The following CACHD1 variants were observed in gnomAD, a reference collection of about 807,000 sequenced individuals.
CACHD1 encodes cache domain containing 1, also known as VWFA and cache domain-containing protein 1.
In CACHD1, 71 loss-of-function variants were observed where a neutral mutation model predicts 138.7. That is an observed-to-expected ratio of 0.51 (90% CI 0.42 to 0.62). The LOEUF is 0.62. CACHD1 is among the 20% of genes least tolerant of loss of function. The pLI is 0.00. For synonymous variants in CACHD1, 578 were observed against 591.5 expected (o/e 0.98, Z 0.33); for missense variants, 1,389 against 1,625.3 (o/e 0.85, Z 2.50).
chr1:64,590,526 A>G (rs1023753025), intron 3 of CACHD1, among the ~76,000 whole-genome samples: 1 of 152,086 alleles, frequency 6.6e-6, no homozygotes, highest in Non-Finnish European at 1.5e-5. Context: ...ACTTACTCAG[A>G]GGGTTGTTTT....
chr1:64,681,284 G>A lies in CACHD1; in HGVS notation c.3433G>A (p.Glu1145Lys), dbSNP rs764608802. Residue 1145 changes from glutamate (E) to lysine (K), a missense_variant, in exon 25 of 27, where the codon GAG (glutamate) becomes AAG (lysine). This residue lies in a region of CACHD1 where 250 missense variants were observed against 292.9 expected (regional missense o/e 0.85). Transcript: ENST00000651257. ...QEMSVRMSNL[E>K]NDRDERDDDS... The stretch of plus-strand genomic sequence containing the variant: ...AATGTCAGTGCGTATGTCCAACCTG[G>A]AGAATGACAGAGATGAAAGGGACGA... 1 of 1,613,872 alleles carries A rather than the reference G, an allele frequency of 6.2e-7. No homozygotes were observed. The highest frequency in any genetic ancestry group is 1.1e-5 in the South Asian group (1 of 91,064).
At chr1:64,535,327 G>GT (rs3078381) in intron 1 of CACHD1, among the ~76,000 whole-genome samples, 4,956 of 136,512 alleles carry the variant, frequency 0.036, 115 homozygotes, top group African/African-American at 0.048. Context: ...AATTTGGAGG[G>GT]TTTTTTTTTT....
intron 2 of CACHD1, among the ~76,000 whole-genome samples, chr1:64,559,109 A>G (rs1646819724): frequency 1.3e-5 from 2 of 152,204 alleles, no homozygotes; most frequent in Admixed American, 6.5e-5. Flanking sequence ...AGAGCTAAAA[A>G]TGGAACTATC....
chr1:64,597,289 T>C (rs993676873), intron 3 of CACHD1, among the ~76,000 whole-genome samples: 4 of 152,144 alleles, frequency 2.6e-5, no homozygotes, highest in African/African-American at 9.6e-5. Flanking sequence ...GTAAATCCTG[T>C]TGAAGGAGAA....
Position 64,652,165 on chromosome 1 carries a change from G to A in CACHD1, c.1395G>A (p.Leu465=). ...TATTTTGTTTTTAACCCATAGGTTT[G>A]ATAATGACTGTGAGTAAACCCTGTT... is the stretch of plus-strand genomic sequence containing the variant. ...LPFSDEMGDG[L]IMTVSKPCYF... Residue 465 remains leucine (L), a synonymous_variant, in exon 10 of 27, where the codon TTG becomes TTA. Transcript: ENST00000651257. The A allele has an allele frequency of 6.2e-7, 1 of 1,606,832 alleles. No individual in the cohort carries two copies. The highest frequency in any genetic ancestry group is 8.5e-7 in the Non-Finnish European group (1 of 1,177,748).
At chr1:64,591,093 T>C (rs905172675) in intron 3 of CACHD1, among the ~76,000 whole-genome samples, 13 of 152,230 alleles carry the variant, frequency 8.5e-5, no homozygotes, top group Admixed American at 8.5e-4. Flanking sequence ...CTCAAATTAA[T>C]AAATTCTGGG....
At chr1:64,688,059 C>T (rs1323272463) in intron 26 of CACHD1, among the ~76,000 whole-genome samples, 4 of 151,776 alleles carry the variant, frequency 2.6e-5, no homozygotes. Context: ...CCAGAGAAGA[C>T]TTTCCAACTG....
intron 1 of CACHD1, among the ~76,000 whole-genome samples, chr1:64,510,778 A>G (rs535920568): frequency 6.6e-6 from 1 of 152,366 alleles, no homozygotes; most frequent in South Asian, 2.1e-4. Flanking sequence ...ATACATGCAG[A>G]CAATGCCAAG....
chr1:64,663,648 A>G, intron 13 of CACHD1, 47 bp from the exon 14 acceptor site: 2 of 1,611,862 alleles, frequency 1.2e-6, no homozygotes, highest in Non-Finnish European at 8.5e-7. Flanking sequence ...TTGGGATGAG[A>G]TAGAGTCTCC....
chr1:64,472,948 C>G (rs1159134064), intron 1 of CACHD1, among the ~76,000 whole-genome samples: 1 of 151,886 alleles, frequency 6.6e-6, no homozygotes, highest in African/African-American at 2.4e-5. Flanking sequence ...CAGTCCTTGA[C>G]AAAAGGTGAA....
At chr1:64,580,829 A>G (rs1647006679) in intron 2 of CACHD1, among the ~76,000 whole-genome samples, 1 of 152,134 alleles carries the variant, frequency 6.6e-6, no homozygotes, top group Admixed American at 6.5e-5. Flanking sequence ...TTTTCTCCAA[A>G]TGTCCCCTGA....
intron 2 of CACHD1, among the ~76,000 whole-genome samples, chr1:64,575,291 G>T (rs1646958407): frequency 6.6e-6 from 1 of 152,172 alleles, no homozygotes; most frequent in Admixed American, 6.5e-5. Context: ...ATGTCTGTCT[G>T]AACCATTATG....
At chr1:64,551,886 G>A (rs891405888) in intron 2 of CACHD1, among the ~76,000 whole-genome samples, 1 of 152,206 alleles carries the variant, frequency 6.6e-6, no homozygotes, top group African/African-American at 2.4e-5. Flanking sequence ...TAAATAGGAT[G>A]TAGTTTGCTG....
intron 1 of CACHD1, among the ~76,000 whole-genome samples, chr1:64,511,883 C>T (rs1232720366): frequency 6.6e-6 from 1 of 152,194 alleles, no homozygotes; most frequent in African/African-American, 2.4e-5. Flanking sequence ...GTGTCCTTTT[C>T]TCATCTGAAC....
In CACHD1 at chr1:64,676,897, A is replaced by C. The variant is rs1570475301; in HGVS notation, c.2978A>C (p.Asn993Thr). The C allele has an allele frequency of 6.2e-7, 1 of 1,612,932 alleles. No individual in the cohort carries two copies. The highest frequency in any genetic ancestry group is 1.1e-5 in the South Asian group (1 of 90,916). Residue 993 changes from asparagine (N) to threonine (T), a missense_variant and splice_region_variant, in exon 22 of 27, where the codon AAC becomes ACC. By Grantham distance (65) the Asn-to-Thr change is moderately conservative. Transcript: ENST00000651257. ...CTCCAGACTTACCTCCTGCACAGAAACCCCAGCTGCGAGGTCCACCAGGAG... is the reference window on the plus strand; with the variant it reads ...CTCCAGACTTACCTCCTGCACAGAACCCCCAGCTGCGAGGTCCACCAGGAG... Reference protein sequence around the residue: ...TGNLTNAENRNPSCEVHQEPV... With the variant: ...TGNLTNAENRTPSCEVHQEPV...
intron 3 of CACHD1, among the ~76,000 whole-genome samples, chr1:64,591,447 A>G (rs1327856770): frequency 6.6e-6 from 1 of 152,214 alleles, no homozygotes; most frequent in Non-Finnish European, 1.5e-5. Context: ...GATCATAAGG[A>G]TCCTCAAATG....
At chr1:64,507,145 A>G in intron 1 of CACHD1, among the ~76,000 whole-genome samples, 1 of 152,186 alleles carries the variant, frequency 6.6e-6, no homozygotes, top group East Asian at 1.9e-4. Flanking sequence ...GTTGTTCTTG[A>G]TGTGTTAGGA....
At position 64,532,416 on chromosome 1, in the gene CACHD1, A is replaced by G. The variant is rs189322589; in HGVS notation, c.199-18178A>G. Among the ~76,000 whole-genome samples the G allele has an allele frequency of 2.0e-4, 30 of 152,310 alleles. No individual in the cohort carries two copies. In the East Asian group the frequency reaches 5.4e-3, roughly 27 times the overall value. On this transcript the variant is annotated intron_variant, in intron 1 of 26. Transcript: ENST00000651257. ...ACGAGTAGAGCATCAGGTGTGATGG[A>G]TGTGATGAGCTACTGGAGTTGCTAT...
intron 1 of CACHD1, among the ~76,000 whole-genome samples, chr1:64,489,519 C>A (rs1235534770): frequency 1.3e-5 from 2 of 152,008 alleles, no homozygotes; most frequent in African/African-American, 4.8e-5. Context: ...AAAAGCAGAC[C>A]CCGCTCTCAG....
Sources: gnomAD v4.1 joint callset for allele counts (sites outside exome capture counted in the v4.1 genomes callset) on GRCh38, gnomAD v4.1.1 for gene constraint, gnomAD v4.1.1 regional missense constraint, MANE v1.5 for transcripts, NCBI Gene and HGNC (gene_info 2026-07-23, HGNC 2026-07-21) for gene names.